The following DCUN1D4 variants were observed in gnomAD, a reference collection of about 807,000 sequenced individuals.
DCUN1D4 encodes the protein DCN1-like protein 4.
Under a neutral mutation model 47.9 loss-of-function variants are expected in DCUN1D4, and 22 were observed. That is an observed-to-expected ratio of 0.46 (90% CI 0.33 to 0.66). DCUN1D4 has a LOEUF of 0.66. Ranked by LOEUF, DCUN1D4 falls within the 30% of genes least tolerant of loss-of-function variation. The pLI, the probability that DCUN1D4 is intolerant of heterozygous loss-of-function variation, is 0.02. For missense variants in DCUN1D4, 301 were observed against 340.8 expected, an observed-to-expected ratio of 0.88 and a Z score of 0.92; for synonymous variants, 121 against 112.2, an observed-to-expected ratio of 1.08 and a Z score of -0.50.
chr4:51,844,317 G>T, intron 1 of DCUN1D4: 20 of 984,546 alleles, frequency 2.0e-5, no homozygotes, highest in Non-Finnish European at 2.3e-5. Context: ...AGAGAGGAGG[G>T]GGCGGGGCTG....
At chr4:51,912,399 TTC>T (rs1733839759) in intron 9 of DCUN1D4, among the ~76,000 whole-genome samples, 1 of 152,202 alleles carries the variant, frequency 6.6e-6, no homozygotes, top group Non-Finnish European at 1.5e-5. Context: ...CTGTGCTTTG[TTC>T]TCTCTCTTAC....
intron 7 of DCUN1D4, among the ~76,000 whole-genome samples, chr4:51,896,461 C>A (rs1731278208): frequency 1.3e-5 from 2 of 152,194 alleles, no homozygotes; most frequent in Admixed American, 1.3e-4. Context: ...CCAGTCAAAT[C>A]TATGGCTTTG....
intron 9 of DCUN1D4, among the ~76,000 whole-genome samples, 175 bp from the exon 10 acceptor site, chr4:51,913,115 C>CTTAA (rs1733948668): frequency 6.6e-6 from 1 of 152,094 alleles, no homozygotes; most frequent in Admixed American, 6.6e-5. Context: ...CAATTGTCAT[C>CTTAA]TTAAATTCTA....
At chr4:51,903,687 G>GT (rs1457824141) in intron 8 of DCUN1D4, among the ~76,000 whole-genome samples, 5 of 151,892 alleles carry the variant, frequency 3.3e-5, no homozygotes, top group African/African-American at 1.2e-4. Flanking sequence ...TATTTTTTCA[G>GT]TTTTTTCTGT....
intron 1 of DCUN1D4, among the ~76,000 whole-genome samples, chr4:51,858,831 G>A (rs763926567): frequency 3.3e-5 from 5 of 152,170 alleles, no homozygotes; most frequent in East Asian, 1.9e-4. Flanking sequence ...CCATACTTAC[G>A]TATTGTTTAT....
chr4:51,867,706 C>A (rs376721831), intron 3 of DCUN1D4, among the ~76,000 whole-genome samples: 19 of 152,314 alleles, frequency 1.2e-4, no homozygotes, highest in East Asian at 7.7e-4. Flanking sequence ...CTGATTGGTC[C>A]ATGGGCAGCC....
upstream of DCUN1D4, among the ~76,000 whole-genome samples, chr4:51,839,401 A>G (rs1024162949): frequency 5.3e-5 from 8 of 152,160 alleles, no homozygotes; most frequent in Non-Finnish European, 1.0e-4. Flanking sequence ...GGATACTATT[A>G]GTTATTAGTA....
chr4:51,855,781 T>C (rs376462142), intron 1 of DCUN1D4, among the ~76,000 whole-genome samples: 2 of 152,214 alleles, frequency 1.3e-5, no homozygotes, highest in African/African-American at 4.8e-5. Flanking sequence ...ATGCATCCTT[T>C]GTGGGTTGGA....
rs141159312 is a variant in DCUN1D4 at position 51,862,446 on chromosome 4, A to T, written c.26-991A>T. Among the ~76,000 whole-genome samples the T allele has an allele frequency of 6.6e-4, 101 of 152,272 alleles. No individual in the cohort carries two copies. In the East Asian group the frequency reaches 0.017, roughly 26 times the overall value. ...TGATATTGTAGCACCTGCTCTTTGG[A>T]TCTGTTCTTTGGATCTGATACGTGT... On this transcript the variant is annotated intron_variant, in intron 1 of 10. Coordinates refer to ENST00000334635, the MANE Select transcript of DCUN1D4 (RefSeq NM_001040402.3).
intron 8 of DCUN1D4, chr4:51,905,118 TAA>T (rs1732681357): frequency 4.6e-6 from 2 of 439,158 alleles, no homozygotes; most frequent in Admixed American, 2.4e-5. Context: ...GTAGCCAATT[TAA>T]AATAGTACTT....
intron 3 of DCUN1D4, among the ~76,000 whole-genome samples, chr4:51,864,810 C>G (rs1258196008): frequency 6.6e-6 from 1 of 152,136 alleles, no homozygotes; most frequent in African/African-American, 2.4e-5. Flanking sequence ...AACTTTCAGG[C>G]CATAGCAGTG....
upstream of DCUN1D4, among the ~76,000 whole-genome samples, chr4:51,838,061 C>T (rs919136651): frequency 6.6e-6 from 1 of 152,086 alleles, no homozygotes; most frequent in Non-Finnish European, 1.5e-5. Context: ...CATGTAGTCC[C>T]AGCTACACGA....
intron 1 of DCUN1D4, 110 bp downstream of exon 1, chr4:51,843,377 C>A (rs1031048024): frequency 2.6e-4 from 361 of 1,376,564 alleles, no homozygotes; most frequent in Non-Finnish European, 2.1e-4. Flanking sequence ...GCGCCGGGAG[C>A]CCCTGCCTGG....
At chr4:51,877,891 A>AT in intron 5 of DCUN1D4, 37 bp downstream of exon 5, 23 of 1,392,338 alleles carry the variant, frequency 1.7e-5, no homozygotes, top group Non-Finnish European at 2.2e-5. Context: ...ACTGATCCTT[A>AT]TGACAATAAG....
intron 6 of DCUN1D4, among the ~76,000 whole-genome samples, chr4:51,888,565 A>AC (rs1305170967): frequency 2.0e-5 from 3 of 151,316 alleles, no homozygotes; most frequent in Non-Finnish European, 4.4e-5. Flanking sequence ...ATAAGGCGAA[A>AC]CCCCGTCTCT....
chr4:51,856,514 G>A (rs1489854977), intron 1 of DCUN1D4, among the ~76,000 whole-genome samples: 3 of 152,090 alleles, frequency 2.0e-5, no homozygotes, highest in Non-Finnish European at 4.4e-5. Flanking sequence ...TGACAGCTTT[G>A]GTTAGGAAAC....
At chr4:51,877,093 T>C (rs140584375) in intron 4 of DCUN1D4, among the ~76,000 whole-genome samples, 5 of 152,266 alleles carry the variant, frequency 3.3e-5, no homozygotes, top group Non-Finnish European at 5.9e-5. Context: ...TGCTTCCTGA[T>C]TCAGTTCTCT....
At chr4:51,876,444 A>G (rs1727693255) in intron 4 of DCUN1D4, among the ~76,000 whole-genome samples, 1 of 152,168 alleles carries the variant, frequency 6.6e-6, no homozygotes, top group African/African-American at 2.4e-5. Flanking sequence ...AGGGAGGGAT[A>G]GGATTAGGAG....
At chr4:51,871,771 T>A (rs968813378) in intron 3 of DCUN1D4, among the ~76,000 whole-genome samples, 1 of 152,244 alleles carries the variant, frequency 6.6e-6, no homozygotes, top group African/African-American at 2.4e-5. Context: ...TTAATAGATA[T>A]GAATAAATCT....
Sources: allele counts gnomAD v4.1 joint callset (sites outside exome capture counted in the v4.1 genomes callset), GRCh38; gene constraint gnomAD v4.1.1; transcripts MANE v1.5; gene names NCBI Gene and HGNC (gene_info 2026-07-23, HGNC 2026-07-21).